Variants in TUB observed in about 807,000 individuals in gnomAD.
The protein encoded by TUB is tubby protein homolog.
Under a neutral mutation model 59.7 loss-of-function variants are expected in TUB, and 33 were observed. The observed-to-expected ratio is 0.55, with a 90% CI of 0.42 to 0.74. The LOEUF (loss-of-function observed/expected upper bound fraction) is 0.74, where lower values mean the gene tolerates loss of function less well. Among genes scored for constraint, TUB ranks in the 30% least tolerant of loss-of-function variants. The probability of loss-of-function intolerance (pLI) is 0.00; values close to 1 mark genes in which losing one functional copy is unlikely to be tolerated. For synonymous variants in TUB, 293 were observed against 256.4 expected (o/e 1.14, Z -1.36); for missense variants, 659 against 672.0 (o/e 0.98, Z 0.21).
At chr11:8,080,925 T>C (rs982793122), upstream of TUB, among the ~76,000 whole-genome samples, 1 of 152,114 alleles carries the variant, frequency 6.6e-6, no homozygotes, top group African/African-American at 2.4e-5. Context: ...TCCCATCCCA[T>C]AGCGCAGATA....
rs118128615 is a variant in TUB at position 8,062,506 on chromosome 11, G to A, written c.203+22814G>A. Among the ~76,000 whole-genome samples, 226 of 75,142 alleles carry A rather than the reference G, an allele frequency of 3.0e-3. 3 individuals carry two copies. In the East Asian group the frequency reaches 0.069, roughly 23 times the overall value. 49.3% of individuals were successfully genotyped at this position (75,142 alleles called of 152,430 possible). ...CTACTGGGCAGGGCCTTCCTCTGAA[G>A]GTTTGTGTGCGTGTGTGTGTGTGTG... On this transcript the variant is annotated intron_variant, in intron 2 of 12. Coordinates refer to the TUB transcript ENST00000305253.
At chr11:8,034,013 G>A (rs918997847), upstream of TUB, among the ~76,000 whole-genome samples, 6 of 152,334 alleles carry the variant, frequency 3.9e-5, no homozygotes, top group Admixed American at 2.6e-4. Flanking sequence ...GGGCATACCC[G>A]GCCTTGTCTG....
At chr11:8,100,758 A>C (rs1251521873) in intron 10 of TUB, 68 bp from the exon 11 acceptor site, 2 of 1,592,510 alleles carry the variant, frequency 1.3e-6, no homozygotes, top group Non-Finnish European at 1.7e-6. Context: ...TTCCCGGGAT[A>C]GATCCCTTTC....
intron 2 of TUB, among the ~76,000 whole-genome samples, chr11:8,071,868 C>G (rs921946874): frequency 6.6e-6 from 1 of 152,206 alleles, no homozygotes; most frequent in Admixed American, 6.5e-5. Context: ...GAGGGCCAAC[C>G]CAACTTGCCT....
At chr11:8,093,371 G>C (rs1943844767) in intron 3 of TUB, among the ~76,000 whole-genome samples, 3 of 152,162 alleles carry the variant, frequency 2.0e-5, no homozygotes, top group East Asian at 3.9e-4. Flanking sequence ...GAGGTGGGGA[G>C]TATGTGTTTA....
At chr11:8,020,193 T>G (rs369878479) in intron 1 of TUB, among the ~76,000 whole-genome samples, 1 of 152,244 alleles carries the variant, frequency 6.6e-6, no homozygotes, top group African/African-American at 2.4e-5. Flanking sequence ...TTTGTTTGTT[T>G]GTTGTTTTTA....
At position 8,106,012 on chromosome 11, in the gene TUB, A is replaced by G. The variant is rs1474394561; in HGVS notation, c.*4393A>G. The G allele has an allele frequency of 6.6e-6, 1 of 152,168 alleles. No homozygotes were observed. Among genetic ancestry groups the G allele is most frequent in the Non-Finnish European group, 1.5e-5 (1 of 68,014 alleles). The allele number at this position is 152,168 out of a possible 1,614,324, so 9.4% of individuals were successfully genotyped here. A position where few individuals can be genotyped will look rare whatever the true frequency, so the allele number is the denominator to read the frequency against. On this transcript the variant is annotated 3_prime_UTR_variant, in exon 12 of 12. Coordinates refer to ENST00000299506, the MANE Select transcript of TUB (RefSeq NM_177972.3). The stretch of plus-strand genomic sequence containing the variant: ...TGTCTTTTCCTATTTTGGAGTGGTC[A>G]GACATTTTATTTTTGTTCAAGATTA...
chr11:8,091,635 CCT>C (rs1943779144), intron 3 of TUB, among the ~76,000 whole-genome samples: 1 of 152,142 alleles, frequency 6.6e-6, no homozygotes, highest in South Asian at 2.1e-4. Context: ...TGCTAATTCC[CCT>C]GTGTGTGTGT....
intron 1 of TUB, 128 bp from the exon 2 acceptor site, chr11:8,089,482 G>A: frequency 9.0e-7 from 1 of 1,115,188 alleles, no homozygotes; most frequent in East Asian, 2.4e-5. Flanking sequence ...CTACCATGTG[G>A]GCTCACTGAG....
At chr11:8,078,655 G>A (rs906357517), upstream of TUB, among the ~76,000 whole-genome samples, 4 of 152,012 alleles carry the variant, frequency 2.6e-5, no homozygotes, top group South Asian at 2.1e-4. Flanking sequence ...TCCTGCACGC[G>A]TACCATCCAA....
At chr11:8,044,708 C>T (rs1336648566) in intron 2 of TUB, among the ~76,000 whole-genome samples, 1 of 152,224 alleles carries the variant, frequency 6.6e-6, no homozygotes, top group Non-Finnish European at 1.5e-5. Context: ...AGACTTCCCC[C>T]ATTTCATAAG....
At chr11:8,094,237 T>C (rs1304563657) in intron 4 of TUB, 48 bp downstream of exon 4, 21 of 1,553,592 alleles carry the variant, frequency 1.4e-5, no homozygotes, top group Non-Finnish European at 1.7e-5. Flanking sequence ...TGGCCTCCAC[T>C]GTAGGGCTGG....
At chr11:8,099,768 C>T (rs538338535) in intron 9 of TUB, among the ~76,000 whole-genome samples, 1 of 152,228 alleles carries the variant, frequency 6.6e-6, no homozygotes, top group South Asian at 2.1e-4. Context: ...GGGAGGGCGT[C>T]ACTGAGGTAG....
In TUB at chr11:8,101,781, G is replaced by A. The variant is rs1944318623; in HGVS notation, c.*162G>A. The A allele has an allele frequency of 5.3e-6, 7 of 1,310,468 alleles. No homozygotes were observed. In the East Asian group the frequency reaches 1.3e-4, roughly 24 times the overall value. The allele number at this position is 1,310,468 out of a possible 1,614,324, so 81.2% of individuals were successfully genotyped here. On this transcript the variant is annotated 3_prime_UTR_variant, in exon 12 of 12. Coordinates refer to ENST00000299506, the MANE Select transcript of TUB (RefSeq NM_177972.3). ...CAGCCAGCCAGGAACTGGCTCCTTT[G>A]CCTCTGCTACTGAGGCAGGGGAGTA...
chr11:8,055,404 C>T (rs532186983), intron 2 of TUB, among the ~76,000 whole-genome samples: 20 of 152,346 alleles, frequency 1.3e-4, no homozygotes, highest in East Asian at 1.2e-3. Flanking sequence ...CATCAGGACC[C>T]GGTCTGGCCT....
At chr11:8,028,103 T>A (rs540378096) in intron 1 of TUB, among the ~76,000 whole-genome samples, 55 of 152,316 alleles carry the variant, frequency 3.6e-4, no homozygotes, top group African/African-American at 1.3e-3. Flanking sequence ...ACCAATAACC[T>A]GTTAATTTCT....
chr11:8,078,500 G>C (rs1216638079), upstream of TUB, among the ~76,000 whole-genome samples: 3 of 151,978 alleles, frequency 2.0e-5, no homozygotes, highest in South Asian at 2.1e-4. Context: ...TGACTTTCTG[G>C]AGTAGCTTTT....
intron 1 of TUB, among the ~76,000 whole-genome samples, chr11:8,085,860 T>C (rs1395230004): frequency 6.6e-6 from 1 of 152,222 alleles, no homozygotes; most frequent in Non-Finnish European, 1.5e-5. Context: ...GAATTGTCCT[T>C]GTGTCCTTGC....
At chr11:8,027,617 C>T (rs1236183540) in intron 1 of TUB, among the ~76,000 whole-genome samples, 1 of 152,120 alleles carries the variant, frequency 6.6e-6, no homozygotes, top group Non-Finnish European at 1.5e-5. Flanking sequence ...CGGGTTCAAG[C>T]AATTCTCCTG....
Sources: allele counts gnomAD v4.1 joint callset (sites outside exome capture counted in the v4.1 genomes callset), GRCh38; gene constraint gnomAD v4.1.1; transcripts MANE v1.5; gene names NCBI Gene and HGNC (gene_info 2026-07-23, HGNC 2026-07-21).